Variants in KLF13 observed in about 807,000 individuals in gnomAD.
KLF13 encodes the protein Krueppel-like factor 13.
A neutral mutation model predicts 16.7 loss-of-function variants in KLF13; 8 were observed. That is an observed-to-expected ratio of 0.48 (90% CI 0.28 to 0.87). KLF13 has a LOEUF of 0.87. Among genes scored for constraint, KLF13 ranks in the 40% least tolerant of loss-of-function variants. The pLI is 0.10. For missense variants in KLF13, 447 were observed against 452.2 expected, an observed-to-expected ratio of 0.99 and a Z score of 0.10; for synonymous variants, 245 against 208.4, an observed-to-expected ratio of 1.18 and a Z score of -1.51.
chr15:31,351,599 A>G (rs1462306799), intron 1 of KLF13, among the ~76,000 whole-genome samples: 1 of 152,216 alleles, frequency 6.6e-6, no homozygotes, highest in African/African-American at 2.4e-5. Context: ...GTGCATTTTC[A>G]GGGCAGGTTG....
rs201529403 is a variant in KLF13, at chr15:31,423,127, A to ATATACG, written n.118-12226_118-12221dup. On this transcript the variant is annotated intron_variant and non_coding_transcript_variant, in intron 1 of 1. Coordinates refer to the KLF13 transcript ENST00000558225. ...TATACGTATACGTATATATACGTATATATACGTATACGTATACGTATATAT... is the reference window on the plus strand; with the variant it reads ...TATACGTATACGTATATATACGTATATATACGTATACGTATACGTATACGTATATAT... Among the ~76,000 whole-genome samples, 5 of 112,752 alleles carry ATATACG rather than the reference A, an allele frequency of 4.4e-5. 1 individual carries two copies. Among genetic ancestry groups the ATATACG allele is most frequent in the East Asian group, 2.6e-4 (1 of 3,814 alleles). The allele number at this position is 112,752 out of a possible 152,430, so 74.0% of individuals were successfully genotyped here.
chr15:31,359,567 T>C (rs539306868), intron 1 of KLF13, among the ~76,000 whole-genome samples: 1 of 152,328 alleles, frequency 6.6e-6, no homozygotes, highest in South Asian at 2.1e-4. Flanking sequence ...TAATTCTGAC[T>C]GTCCAAAGTG....
At chr15:31,340,222 C>T (rs1301639932) in intron 1 of KLF13, among the ~76,000 whole-genome samples, 1 of 152,238 alleles carries the variant, frequency 6.6e-6, no homozygotes, top group Non-Finnish European at 1.5e-5. Context: ...GCCCTCATGG[C>T]CAACCTCAGG....
downstream of KLF13, chr15:31,404,831 C>T (rs1323247474): frequency 6.6e-6 from 1 of 152,480 alleles, no homozygotes; most frequent in Non-Finnish European, 1.5e-5. Context: ...CTGGAAAGAA[C>T]CAACTCCCGA....
At chr15:31,358,329 A>G (rs2039332087) in intron 1 of KLF13, among the ~76,000 whole-genome samples, 1 of 152,230 alleles carries the variant, frequency 6.6e-6, no homozygotes, top group Admixed American at 6.5e-5. Flanking sequence ...CTGTCAAAAC[A>G]TCGTTTTCCC....
At chr15:31,330,308 GC>G (rs2038805270) in intron 1 of KLF13, among the ~76,000 whole-genome samples, 1 of 152,170 alleles carries the variant, frequency 6.6e-6, no homozygotes, top group Non-Finnish European at 1.5e-5. Flanking sequence ...GTCATGCCGG[GC>G]CCCGTACTCC....
intron 2 of KLF13, among the ~76,000 whole-genome samples, chr15:31,400,234 C>T (rs1469230064): frequency 2.0e-5 from 3 of 152,158 alleles, no homozygotes; most frequent in East Asian, 1.9e-4. Flanking sequence ...GGAGCGAGAG[C>T]GGTGAAACTG....
downstream of KLF13, among the ~76,000 whole-genome samples, chr15:31,405,918 A>T (rs549390460): frequency 7.2e-5 from 11 of 152,236 alleles, no homozygotes; most frequent in Non-Finnish European, 1.6e-4. Flanking sequence ...AAGGCAATGA[A>T]TAGAATAAGA....
intron 1 of KLF13, among the ~76,000 whole-genome samples, chr15:31,361,109 C>A (rs1032318818): frequency 6.6e-6 from 1 of 152,180 alleles, no homozygotes; most frequent in South Asian, 2.1e-4. Flanking sequence ...CACATGCCCC[C>A]AGCCTGGGCA....
chr15:31,349,095 T>C (rs1486187169), intron 1 of KLF13, among the ~76,000 whole-genome samples: 1 of 152,178 alleles, frequency 6.6e-6, no homozygotes, highest in Non-Finnish European at 1.5e-5. Context: ...CAGCCTATAG[T>C]GCCCAGCGTT....
chr15:31,366,207 A>C (rs916382495), intron 1 of KLF13: 1 of 139,984 alleles, frequency 7.1e-6, no homozygotes, highest in African/African-American at 2.7e-5. Flanking sequence ...CACCTGTAGG[A>C]CCCCCAAACC....
At position 31,372,477 on chromosome 15, in the gene KLF13, A is replaced by G. The variant is rs577018598; in HGVS notation, c.*178A>G. The G allele has an allele frequency of 9.7e-4, 667 of 686,698 alleles. 2 individuals are homozygous for G. Among genetic ancestry groups the G allele is most frequent in the Middle Eastern group, 9.6e-3 (23 of 2,400 alleles). The allele number at this position is 686,698 out of a possible 1,614,324, so 42.5% of individuals were successfully genotyped here. A position where few individuals can be genotyped will look rare whatever the true frequency, so the allele number is the denominator to read the frequency against. ...AAAAAAAACACAAAAATTTCAAAAA[A>G]CACCACCCACCAAATTGCACAATAG... is the stretch of plus-strand genomic sequence containing the variant. On this transcript the variant is annotated 3_prime_UTR_variant, in exon 2 of 2. Transcript: ENST00000307145.
intron 1 of KLF13, among the ~76,000 whole-genome samples, chr15:31,412,441 T>A (rs1197020309): frequency 1.3e-5 from 2 of 152,002 alleles, no homozygotes; most frequent in Non-Finnish European, 2.9e-5. Context: ...ATGACATGAT[T>A]GTACATGCGG....
intron 2 of KLF13, among the ~76,000 whole-genome samples, chr15:31,396,666 A>G (rs1375119910): frequency 6.6e-6 from 1 of 152,214 alleles, no homozygotes; most frequent in Non-Finnish European, 1.5e-5. Flanking sequence ...TATCTCAAGC[A>G]CTGATTTTAG....
chr15:31,386,504 A>AAAAAG (rs1424496652), intron 1 of KLF13, among the ~76,000 whole-genome samples: 1 of 152,246 alleles, frequency 6.6e-6, no homozygotes, highest in Non-Finnish European at 1.5e-5. Context: ...CATCTTAAAA[A>AAAAAG]AAAAGAAAAG....
At chr15:31,384,105 T>C (rs1366791761) in intron 1 of KLF13, among the ~76,000 whole-genome samples, 1 of 152,132 alleles carries the variant, frequency 6.6e-6, no homozygotes, top group Non-Finnish European at 1.5e-5. Flanking sequence ...AACACTTTTC[T>C]CTATAGCTAT....
chr15:31,348,948 C>T (rs1319066871), intron 1 of KLF13, among the ~76,000 whole-genome samples: 1 of 152,116 alleles, frequency 6.6e-6, no homozygotes, highest in African/African-American at 2.4e-5. Flanking sequence ...GGTCTCCTTT[C>T]TAAGGGTACT....
At chr15:31,426,481 C>G (rs2141012805) in intron 1 of KLF13, among the ~76,000 whole-genome samples, 1 of 152,266 alleles carries the variant, frequency 6.6e-6, no homozygotes, top group Middle Eastern at 3.4e-3. Context: ...AACTTAAACC[C>G]TGTGCATCAA....
At chr15:31,328,458 C>T (rs924823399) in intron 1 of KLF13, among the ~76,000 whole-genome samples, 3 of 151,980 alleles carry the variant, frequency 2.0e-5, no homozygotes, top group African/African-American at 7.2e-5. Context: ...TTTGTGGGAG[C>T]CCCCGCCCAT....
Sources: allele counts gnomAD v4.1 joint callset (sites outside exome capture counted in the v4.1 genomes callset), GRCh38; gene constraint gnomAD v4.1.1; transcripts MANE v1.5; gene names NCBI Gene and HGNC (gene_info 2026-07-23, HGNC 2026-07-21).